Variants in GLIPR1L2 observed in about 807,000 individuals in gnomAD.
GLIPR1L2 encodes the protein GLIPR1-like protein 2.
In GLIPR1L2, 21 loss-of-function variants were observed where a neutral mutation model predicts 28.4. The ratio of observed to expected loss-of-function variants is 0.74; its 90% confidence interval spans 0.52 to 1.06. The LOEUF is 1.06. Among genes scored for constraint, GLIPR1L2 ranks in the 50% least tolerant of loss-of-function variants. GLIPR1L2 has a pLI of 0.00. For missense variants in GLIPR1L2, 476 were observed against 416.9 expected (o/e 1.14, Z -1.23); for synonymous variants, 145 against 139.3 (o/e 1.04, Z -0.29).
chr12:75,428,018 GA>G (rs752297723), intron 4 of GLIPR1L2, among the ~76,000 whole-genome samples: 1 of 152,198 alleles, frequency 6.6e-6, no homozygotes, highest in Non-Finnish European at 1.5e-5. Context: ...AGGCATTGCT[GA>G]AAAGATACCT....
At chr12:75,392,366 T>C (rs1430998807) in intron 1 of GLIPR1L2, among the ~76,000 whole-genome samples, 1 of 152,218 alleles carries the variant, frequency 6.6e-6, no homozygotes, top group East Asian at 1.9e-4. Flanking sequence ...AATGAATAAA[T>C]TACAAAAATG....
intron 1 of GLIPR1L2, among the ~76,000 whole-genome samples, chr12:75,393,256 A>ACC (rs1313286173): frequency 6.6e-6 from 1 of 152,092 alleles, no homozygotes; most frequent in Non-Finnish European, 1.5e-5. Context: ...CATAACATTT[A>ACC]CCATTTTAAC....
At chr12:75,413,509 TC>T in intron 2 of GLIPR1L2, 88 bp from the exon 3 acceptor site, 1 of 729,700 alleles carries the variant, frequency 1.4e-6, no homozygotes, top group Non-Finnish European at 2.3e-6. Context: ...GGTGAAAAGT[TC>T]TATGTGAATG....
chr12:75,397,588 T>C (rs906335194), intron 1 of GLIPR1L2, among the ~76,000 whole-genome samples: 9 of 152,224 alleles, frequency 5.9e-5, no homozygotes, highest in African/African-American at 2.2e-4. Flanking sequence ...CAGTCAGTTT[T>C]ACATTTATAT....
intron 4 of GLIPR1L2, among the ~76,000 whole-genome samples, chr12:75,429,504 T>C (rs1002856763): frequency 6.6e-6 from 1 of 152,192 alleles, no homozygotes; most frequent in Non-Finnish European, 1.5e-5. Context: ...ACTTTGAACT[T>C]GGACTTTTGG....
intron 1 of GLIPR1L2, among the ~76,000 whole-genome samples, chr12:75,408,969 C>T (rs1404222855): frequency 6.6e-6 from 1 of 151,892 alleles, no homozygotes; most frequent in African/African-American, 2.4e-5. Context: ...TGTTTATTTT[C>T]TATGTTGTAT....
intron 1 of GLIPR1L2, among the ~76,000 whole-genome samples, chr12:75,397,274 C>T (rs557940486): frequency 2.6e-5 from 4 of 151,778 alleles, no homozygotes; most frequent in African/African-American, 9.6e-5. Context: ...TTTTAATTTG[C>T]TCATATTCCC....
intron 1 of GLIPR1L2, among the ~76,000 whole-genome samples, chr12:75,398,029 TAAAAAAA>T (rs71078728): frequency 1.4e-5 from 2 of 138,210 alleles, no homozygotes; most frequent in Non-Finnish European, 3.2e-5. Context: ...GCTGTGGATT[TAAAAAAA>T]AAAAAAAAAA....
chr12:75,414,601 T>C (rs997046553), intron 3 of GLIPR1L2, among the ~76,000 whole-genome samples: 3 of 152,098 alleles, frequency 2.0e-5, no homozygotes, highest in Admixed American at 1.3e-4. Context: ...ACTTTGAATA[T>C]AGACATGCAA....
At chr12:75,417,385 C>T (rs1002914531) in intron 3 of GLIPR1L2, among the ~76,000 whole-genome samples, 2 of 152,060 alleles carry the variant, frequency 1.3e-5, no homozygotes, top group Non-Finnish European at 2.9e-5. Context: ...CACAGCCCTG[C>T]CAACACCTTG....
At chr12:75,412,891 C>A (rs1375534557) in intron 2 of GLIPR1L2, among the ~76,000 whole-genome samples, 1 of 152,054 alleles carries the variant, frequency 6.6e-6, no homozygotes, top group Non-Finnish European at 1.5e-5. Flanking sequence ...AAGACACATG[C>A]ACACGTATGT....
chr12:75,422,898 T>G lies in GLIPR1L2; in HGVS notation c.585-6T>G, dbSNP rs2045991615. The G allele has an allele frequency of 6.3e-7, 1 of 1,590,858 alleles. No individual in the cohort carries two copies. ...AACTAAATGTTTTCTGCTTTTTTGT[T>G]TGTAGAGGAACACTGACGAGAAGAC... On this transcript the variant is annotated splice_region_variant and splice_polypyrimidine_tract_variant and intron_variant, in intron 3 of 5. Coordinates refer to ENST00000550916, the MANE Select transcript of GLIPR1L2 (RefSeq NM_001270396.2).
chr12:75,405,221 T>G (rs1483261337), intron 1 of GLIPR1L2, among the ~76,000 whole-genome samples: 9 of 152,176 alleles, frequency 5.9e-5, no homozygotes, highest in African/African-American at 2.2e-4. Flanking sequence ...AAATGACTGG[T>G]CAAGATGAGA....
In GLIPR1L2 at chr12:75,413,671, C is replaced by G; in HGVS notation, c.554C>G (p.Ala185Gly). 1 of 1,530,966 alleles carries G rather than the reference C, an allele frequency of 6.5e-7. No individual in the cohort carries two copies. Among genetic ancestry groups the G allele is most frequent in the Non-Finnish European group, 8.8e-7 (1 of 1,138,404 alleles). The allele number at this position is 1,530,966 out of a possible 1,614,324, so 94.8% of individuals were successfully genotyped here. Residue 185 changes from alanine (A) to glycine (G), a missense_variant, in exon 3 of 6, where the codon GCA becomes GGA. Ala to Gly is a moderately conservative substitution (Grantham distance 60, BLOSUM62 0). Coordinates refer to ENST00000550916, the MANE Select transcript of GLIPR1L2 (RefSeq NM_001270396.2). ...TCAAAAATTGGACATATTATACATG[C>G]AGCAATTTTCATATGCAACTATGCG... ...PCSKIGHIIH[A>G]AIFICNYAPG...
intron 4 of GLIPR1L2, among the ~76,000 whole-genome samples, chr12:75,425,756 CAAT>C (rs1356239210): frequency 6.6e-6 from 1 of 151,820 alleles, no homozygotes; most frequent in Admixed American, 6.6e-5. Context: ...GGGCTAGAGA[CAAT>C]GATGGGAGAT....
At chr12:75,415,057 A>G (rs1177757096) in intron 3 of GLIPR1L2, among the ~76,000 whole-genome samples, 1 of 152,124 alleles carries the variant, frequency 6.6e-6, no homozygotes, top group African/African-American at 2.4e-5. Context: ...CAGATGTTCC[A>G]GGTAGAAGTA....
Position 75,423,385 on chromosome 12 carries a change from A to G in GLIPR1L2, c.670+396A>G. The stretch of plus-strand genomic sequence containing the variant: ...ACCCTTTTCTTTTAGTTTTTCCTCC[A>G]AAAAGCTGAAATCTCCAAATATTTC... On this transcript the variant is annotated intron_variant, in intron 4 of 5. Transcript: ENST00000550916. The G allele has an allele frequency of 3.0e-6, 3 of 989,508 alleles. No individual in the cohort carries two copies. The South Asian group carries it at 1.4e-4, about 47-fold the overall frequency. 61.3% of individuals were successfully genotyped at this position (989,508 alleles called of 1,614,324 possible). A position where few individuals can be genotyped will look rare whatever the true frequency, so the allele number is the denominator to read the frequency against.
intron 1 of GLIPR1L2, among the ~76,000 whole-genome samples, chr12:75,406,322 C>T (rs978390956): frequency 6.6e-6 from 1 of 151,994 alleles, no homozygotes; most frequent in Non-Finnish European, 1.5e-5. Context: ...CTAAATGAAA[C>T]CTTAATTTTG....
Position 75,431,112 on chromosome 12 carries a change from A to G in GLIPR1L2, c.986A>G (p.Glu329Gly), listed in dbSNP as rs1263527301. Residue 329 changes from glutamate to glycine, a missense_variant, in exon 6 of 6, where the codon GAG (glutamate) becomes GGG (glycine). Transcript: ENST00000550916. ...EMEEEKEERE[E>G]EEEETQKEKM... ...GAGGAGGAAAAAGAAGAGAGAGAGG[A>G]GGAGGAGGAGGAAACACAAAAAGAA... is the stretch of plus-strand genomic sequence containing the variant. The G allele has an allele frequency of 9.7e-7, 1 of 1,028,260 alleles. No homozygotes were observed. Among genetic ancestry groups the G allele is most frequent in the Non-Finnish European group, 1.5e-6 (1 of 687,606 alleles). 63.7% of individuals were successfully genotyped at this position (1,028,260 alleles called of 1,614,324 possible).
Sources: allele counts gnomAD v4.1 joint callset (sites outside exome capture counted in the v4.1 genomes callset), GRCh38; gene constraint gnomAD v4.1.1; transcripts MANE v1.5; gene names NCBI Gene and HGNC (gene_info 2026-07-23, HGNC 2026-07-21).